Variants in GOLGA1 observed in about 807,000 individuals in gnomAD.
The protein encoded by GOLGA1 is golgin A1.
GOLGA1 carries 63 observed loss-of-function variants against 119.7 expected under a neutral mutation model. The observed-to-expected ratio is 0.53, with a 90% confidence interval of 0.43 to 0.65. GOLGA1 has a LOEUF of 0.65. Ranked by LOEUF, GOLGA1 falls within the 30% of genes least tolerant of loss-of-function variation. The pLI is 0.00. For synonymous variants in GOLGA1, 318 were observed against 333.4 expected (o/e 0.95, Z 0.50); for missense variants, 798 against 912.8 (o/e 0.87, Z 1.62).
intron 19 of GOLGA1, among the ~76,000 whole-genome samples, chr9:124,883,798 T>A (rs774381518): frequency 4.0e-5 from 6 of 151,226 alleles, no homozygotes; most frequent in Admixed American, 6.6e-5. Context: ...CCAGGCTGGA[T>A]TCAGTCTTTG....
chr9:124,886,393 T>C (rs1829721285), intron 19 of GOLGA1, among the ~76,000 whole-genome samples: 1 of 151,768 alleles, frequency 6.6e-6, no homozygotes, highest in South Asian at 2.1e-4. Flanking sequence ...AAGAGACGCC[T>C]GTCCAAGGCT....
chr9:124,893,924 GCTGGT>G (rs534145194), intron 15 of GOLGA1, among the ~76,000 whole-genome samples: 172 of 152,308 alleles, frequency 1.1e-3, no homozygotes, highest in African/African-American at 4.0e-3. Context: ...CCTCAGGTGA[GCTGGT>G]CTGAATTACC....
chr9:124,908,069 A>T (rs1830267561), intron 12 of GOLGA1, among the ~76,000 whole-genome samples: 1 of 152,212 alleles, frequency 6.6e-6, no homozygotes, highest in South Asian at 2.1e-4. Context: ...CATTTACAGA[A>T]ATTAAAAACC....
intron 18 of GOLGA1, 115 bp downstream of exon 18, chr9:124,889,028 C>A (rs1056579769): frequency 7.7e-6 from 6 of 775,344 alleles, no homozygotes; most frequent in African/African-American, 7.0e-5. Context: ...AAGGACCCTA[C>A]ATGCAGGGGA....
At chr9:124,911,766 G>T in intron 11 of GOLGA1, 135 bp downstream of exon 11, 1 of 743,916 alleles carries the variant, frequency 1.3e-6, no homozygotes, top group Non-Finnish European at 2.2e-6. Context: ...AGCAGGACAA[G>T]CCAAAGTTGG....
chr9:124,916,994 A>C (rs1381602393), intron 10 of GOLGA1, among the ~76,000 whole-genome samples: 3 of 151,512 alleles, frequency 2.0e-5, no homozygotes, highest in Admixed American at 1.3e-4. Flanking sequence ...AATAAATTAT[A>C]GCTCCAGGTA....
rs201154567 is a variant in GOLGA1 at position 124,931,349 on chromosome 9, C to T, written c.193G>A (p.Glu65Lys). 5.0e-6 allele frequency: 8 copies of T among 1,592,712 alleles called. No homozygotes were observed. In the East Asian group the frequency reaches 1.8e-4, roughly 36 times the overall value. The change falls in exon 4 of 23, where the codon GAA becomes AAA. Residue 65 changes from glutamate to lysine, a missense_variant. Coordinates refer to ENST00000373555, the MANE Select transcript of GOLGA1 (RefSeq NM_002077.4). ...DLSSQLLRRN[E>K]QIRKLEARLS... ...CTGGCCTCTAACTTCCGTATCTGTT[C>T]ATTCCTTCTCAGAAGCTGGGATGAA...
Position 124,911,973 on chromosome 9 carries a change from C to T in GOLGA1, c.897G>A (p.Lys299=). ...CTAGTCTCTTCTCCAAGGATGCAACCTTCTCTTGCAAATGTGTGATAACGT... is the reference window on the plus strand; with the variant it reads ...CTAGTCTCTTCTCCAAGGATGCAACTTTCTCTTGCAAATGTGTGATAACGT... ...KEDVITHLQE[K]VASLEKRLEQ... is the part of the protein sequence containing the mutation. The change falls in exon 11 of 23, where the codon AAG becomes AAA. Residue 299 remains lysine (K), a synonymous_variant. Coordinates refer to ENST00000373555, the MANE Select transcript of GOLGA1 (RefSeq NM_002077.4). The T allele has an allele frequency of 3.7e-6, 6 of 1,611,008 alleles. No individual in the cohort carries two copies. The highest frequency in any genetic ancestry group is 5.1e-6 in the Non-Finnish European group (6 of 1,177,186).
In GOLGA1 at chr9:124,911,915, C is replaced by A; in HGVS notation, c.955G>T (p.Glu319Ter). Residue 319 changes from glutamate (E) to a stop codon, truncating the protein, a stop_gained, in exon 11 of 23, where the codon GAA becomes TAA. Coordinates refer to ENST00000373555, the MANE Select transcript of GOLGA1 (RefSeq NM_002077.4). LOFTEE classifies it high-confidence loss of function. ...ACAGAAGTTACCTCTTTCAGGAGTT[C>A]TTGCAAGTGTTCTTCTCCTGATAAG... is the stretch of plus-strand genomic sequence containing the variant. ...QNLSGEEHLQ[E>*]LLKEKTLAEQ... The A allele has an allele frequency of 1.2e-6, 2 of 1,612,134 alleles. No individual in the cohort carries two copies. The highest frequency in any genetic ancestry group is 2.2e-5 in the South Asian group (2 of 90,988).
upstream of GOLGA1, among the ~76,000 whole-genome samples, chr9:124,941,720 G>A (rs986660822): frequency 6.6e-6 from 1 of 152,192 alleles, no homozygotes; most frequent in Non-Finnish European, 1.5e-5. Flanking sequence ...AACGCTGGTG[G>A]CAGCTCACTA....
At chr9:124,941,135 GT>G, upstream of GOLGA1, 1 of 152,352 alleles carries the variant, frequency 6.6e-6, no homozygotes, top group East Asian at 1.9e-4. Flanking sequence ...GAGGGGGTTG[GT>G]CCGACGCGCG....
intron 12 of GOLGA1, among the ~76,000 whole-genome samples, chr9:124,906,198 C>A (rs1463827744): frequency 6.6e-6 from 1 of 151,976 alleles, no homozygotes; most frequent in Non-Finnish European, 1.5e-5. Context: ...CTTTGGGAGG[C>A]CAAGGCAGGC....
intron 16 of GOLGA1, among the ~76,000 whole-genome samples, chr9:124,889,827 C>T (rs1302551528): frequency 1.3e-5 from 2 of 152,234 alleles, no homozygotes; most frequent in Non-Finnish European, 2.9e-5. Context: ...CTTCCATTTC[C>T]TGAGTGCCTG....
chr9:124,892,826 G>A (rs1829884758), intron 15 of GOLGA1, among the ~76,000 whole-genome samples: 2 of 151,780 alleles, frequency 1.3e-5, no homozygotes, highest in South Asian at 4.1e-4. Context: ...CAGCTACTCA[G>A]GAGGCTAAGG....
At chr9:124,898,474 G>A (rs536930914) in intron 15 of GOLGA1, 75 bp downstream of exon 15, 12 of 835,234 alleles carry the variant, frequency 1.4e-5, no homozygotes, top group Non-Finnish European at 1.8e-5. Context: ...GTAAGTATGA[G>A]AAGTGGGGCA....
intron 6 of GOLGA1, 46 bp downstream of exon 6, chr9:124,928,142 A>G (rs768504457): frequency 2.6e-6 from 2 of 780,894 alleles, no homozygotes; most frequent in African/African-American, 3.6e-5. Context: ...CACGTCACTA[A>G]GTGAAATCTT....
intron 7 of GOLGA1, 114 bp from the exon 8 acceptor site, chr9:124,923,337 T>A: frequency 1.2e-6 from 1 of 819,024 alleles, no homozygotes; most frequent in Non-Finnish European, 1.9e-6. Flanking sequence ...AGAGTCTCAC[T>A]AGTTGCCCAG....
upstream of GOLGA1, chr9:124,944,080 G>A (rs1309271415): frequency 6.6e-6 from 1 of 152,078 alleles, no homozygotes; most frequent in African/African-American, 2.4e-5. Flanking sequence ...AAAATCTAAA[G>A]GTTTCTCTGA....
rs777690302 is a variant in GOLGA1 at position 124,888,240 on chromosome 9, A to G, written c.1905+13T>C. 1.2e-6 allele frequency: 2 copies of G among 1,613,336 alleles called. No homozygotes were observed. The highest frequency in any genetic ancestry group is 2.2e-5 in the South Asian group (2 of 91,054). On this transcript the variant is annotated intron_variant, in intron 19 of 22. Coordinates refer to ENST00000373555, the MANE Select transcript of GOLGA1 (RefSeq NM_002077.4). This position sits in a 1 kb window ranked among gnomAD's most constrained non-coding sequence, Gnocchi z 4.4. ...GGTGGAGACAGAAACAGCCATGCAAAAGGCATCCTCACCTTATTTTTCTCC... is the reference window on the plus strand; with the variant it reads ...GGTGGAGACAGAAACAGCCATGCAAGAGGCATCCTCACCTTATTTTTCTCC...
Sources: gnomAD v4.1 joint callset for allele counts (sites outside exome capture counted in the v4.1 genomes callset) on GRCh38, gnomAD v4.1.1 for gene constraint, Gnocchi (gnomAD v3.1) non-coding constraint, MANE v1.5 for transcripts, NCBI Gene and HGNC (gene_info 2026-07-23, HGNC 2026-07-21) for gene names.